The following FGGY variants were observed in gnomAD, a reference collection of about 807,000 sequenced individuals.
FGGY encodes FGGY carbohydrate kinase domain-containing protein.
Under a neutral mutation model 71.3 loss-of-function variants are expected in FGGY, and 72 were observed. That is an observed-to-expected ratio of 1.01 (90% confidence interval 0.84 to 1.23). FGGY has a LOEUF of 1.23. FGGY is among the 50% of genes most tolerant of loss of function. The probability of loss-of-function intolerance (pLI) is 0.00; values close to 1 mark genes in which losing one functional copy is unlikely to be tolerated. For missense variants in FGGY, 668 were observed against 682.3 expected (o/e 0.98, Z 0.23); for synonymous variants, 251 against 250.3 (o/e 1.00, Z -0.02).
At chr1:59,550,269 A>C (rs1345028182) in intron 7 of FGGY, among the ~76,000 whole-genome samples, 1 of 152,046 alleles carries the variant, frequency 6.6e-6, no homozygotes, top group East Asian at 1.9e-4. Context: ...TTCTCTGTGG[A>C]TGGCAAAATA....
chr1:59,468,167 T>C (rs1012885903), intron 6 of FGGY, among the ~76,000 whole-genome samples: 1 of 152,186 alleles, frequency 6.6e-6, no homozygotes, highest in Non-Finnish European at 1.5e-5. Flanking sequence ...CCTCCCAAAG[T>C]GCTGGGATTA....
intron 8 of FGGY, among the ~76,000 whole-genome samples, chr1:59,562,579 G>A (rs992023612): frequency 1.3e-5 from 2 of 152,146 alleles, no homozygotes; most frequent in Non-Finnish European, 2.9e-5. Context: ...TGGATCACAG[G>A]GTAGATGTAA....
intron 8 of FGGY, among the ~76,000 whole-genome samples, chr1:59,563,091 T>C (rs1190892887): frequency 6.6e-6 from 1 of 152,202 alleles, no homozygotes; most frequent in Non-Finnish European, 1.5e-5. Flanking sequence ...CCTTTATTTC[T>C]TTCTCTTGCC....
At chr1:59,374,543 C>T (rs969600267) in intron 4 of FGGY, among the ~76,000 whole-genome samples, 11 of 152,032 alleles carry the variant, frequency 7.2e-5, no homozygotes, top group Non-Finnish European at 1.5e-4. Context: ...ACCCAGCCAT[C>T]CCATTACTGG....
chr1:59,543,116 ATCT>A (rs1233788919), intron 7 of FGGY, among the ~76,000 whole-genome samples: 1 of 152,212 alleles, frequency 6.6e-6, no homozygotes, highest in Non-Finnish European at 1.5e-5. Flanking sequence ...TTTTACTCTC[ATCT>A]TCTACACTAT....
At chr1:59,507,171 A>C (rs2094407022) in intron 6 of FGGY, among the ~76,000 whole-genome samples, 2 of 152,234 alleles carry the variant, frequency 1.3e-5, no homozygotes, top group African/African-American at 4.8e-5. Flanking sequence ...GTACAGAAAC[A>C]GCTGGATTGG....
In FGGY at chr1:59,674,119, T is replaced by G; in HGVS notation, c.1498T>G (p.Phe500Val). Reference sequence around the variant, plus strand: ...TCTGGGTGCCTGTGCCTCAGGGGATTTCGCTTCTGTACAGGTATGTGAAGA... The same window carrying G: ...TCTGGGTGCCTGTGCCTCAGGGGATGTCGCTTCTGTACAGGTATGTGAAGA... ...AVLGACASGD[F>V]ASVQEAMAKM... Residue 500 changes from phenylalanine (F) to valine (V), a missense_variant, in exon 14 of 16, where the codon TTC (phenylalanine) becomes GTC (valine). Physicochemically the swap from Phe to Val is conservative, Grantham distance 50. This residue lies in a region of FGGY where 661 missense variants were observed against 661.6 expected (regional missense o/e 1.00). Coordinates refer to ENST00000303721, the MANE Select transcript of FGGY (RefSeq NM_018291.5). 1 of 1,613,832 alleles carries G rather than the reference T, an allele frequency of 6.2e-7. No individual in the cohort carries two copies. Among genetic ancestry groups the G allele is most frequent in the East Asian group, 2.2e-5 (1 of 44,846 alleles).
At chr1:59,742,289 T>TC (rs1367514498) in intron 14 of FGGY, among the ~76,000 whole-genome samples, 1 of 152,190 alleles carries the variant, frequency 6.6e-6, no homozygotes, top group Non-Finnish European at 1.5e-5. Flanking sequence ...GCTGCCTCAG[T>TC]CATTAGTGCT....
chr1:59,659,802 AC>A (rs2097257774), intron 11 of FGGY, among the ~76,000 whole-genome samples: 1 of 152,260 alleles, frequency 6.6e-6, no homozygotes, highest in African/African-American at 2.4e-5. Context: ...GAATGCTGTT[AC>A]ACTGAAGTCT....
intron 8 of FGGY, among the ~76,000 whole-genome samples, chr1:59,601,422 A>G (rs2096576948): frequency 1.3e-5 from 2 of 152,190 alleles, no homozygotes; most frequent in East Asian, 1.9e-4. Flanking sequence ...AATGGCATGC[A>G]CTCATGGAGC....
At chr1:59,349,350 C>T (rs765471378) in intron 4 of FGGY, among the ~76,000 whole-genome samples, 9 of 152,090 alleles carry the variant, frequency 5.9e-5, no homozygotes, top group Non-Finnish European at 1.3e-4. Flanking sequence ...TTTTTGGCAA[C>T]ACAGAAAGAA....
chr1:59,554,979 G>A (rs946956232), intron 8 of FGGY, among the ~76,000 whole-genome samples: 4 of 152,150 alleles, frequency 2.6e-5, no homozygotes, highest in Non-Finnish European at 5.9e-5. Flanking sequence ...AGATTAGAGC[G>A]GGACACAGCC....
intron 9 of FGGY, among the ~76,000 whole-genome samples, chr1:59,617,329 T>G (rs1339714621): frequency 6.6e-6 from 1 of 152,106 alleles, no homozygotes; most frequent in Non-Finnish European, 1.5e-5. Flanking sequence ...AAAAGATATT[T>G]GTCTCATTTT....
chr1:59,542,695 A>G (rs1014995898), intron 7 of FGGY, among the ~76,000 whole-genome samples: 3 of 152,034 alleles, frequency 2.0e-5, no homozygotes, highest in Non-Finnish European at 1.5e-5. Context: ...ATCTCAGGTG[A>G]TCTGCCTGCC....
chr1:59,471,102 A>C (rs1223498497), intron 6 of FGGY, among the ~76,000 whole-genome samples: 1 of 152,170 alleles, frequency 6.6e-6, no homozygotes, highest in African/African-American at 2.4e-5. Flanking sequence ...CTCATCTCAA[A>C]TTGTAATCCA....
At chr1:59,473,833 T>C (rs2093121656) in intron 6 of FGGY, among the ~76,000 whole-genome samples, 1 of 152,172 alleles carries the variant, frequency 6.6e-6, no homozygotes, top group African/African-American at 2.4e-5. Flanking sequence ...TTTAGAATAT[T>C]TGTGGCTCCT....
intron 8 of FGGY, among the ~76,000 whole-genome samples, chr1:59,587,014 A>G (rs576223485): frequency 1.2e-3 from 182 of 152,360 alleles, no homozygotes; most frequent in African/African-American, 4.2e-3. Flanking sequence ...AGGAAGCACA[A>G]GGGGTCAGGG....
At chr1:59,651,195 T>G (rs2097156123) in intron 11 of FGGY, among the ~76,000 whole-genome samples, 1 of 152,088 alleles carries the variant, frequency 6.6e-6, no homozygotes. Flanking sequence ...TTGGAATAGG[T>G]GTGGTGCGGT....
intron 14 of FGGY, among the ~76,000 whole-genome samples, chr1:59,734,836 T>A (rs1297564734): frequency 6.6e-6 from 1 of 152,120 alleles, no homozygotes; most frequent in African/African-American, 2.4e-5. Flanking sequence ...TCCTCCTGCT[T>A]CTGAGCAGAG....
Sources: gnomAD v4.1 joint callset for allele counts (sites outside exome capture counted in the v4.1 genomes callset) on GRCh38, gnomAD v4.1.1 for gene constraint, gnomAD v4.1.1 regional missense constraint, MANE v1.5 for transcripts, NCBI Gene and HGNC (gene_info 2026-07-23, HGNC 2026-07-21) for gene names.